Variants in ROBO2 observed in about 807,000 individuals in gnomAD.
ROBO2 encodes roundabout guidance receptor 2.
A neutral mutation model predicts 160.8 loss-of-function variants in ROBO2; 53 were observed. The ratio of observed to expected loss-of-function variants is 0.33; its 90% confidence interval spans 0.26 to 0.41. The LOEUF is 0.41. ROBO2 is among the 10% of genes least tolerant of loss of function. The pLI, the probability that ROBO2 is intolerant of heterozygous loss-of-function variation, is 1.00. For missense variants in ROBO2, 1,577 were observed against 1,722.4 expected, an observed-to-expected ratio of 0.92 and a Z score of 1.49; for synonymous variants, 664 against 611.7, an observed-to-expected ratio of 1.09 and a Z score of -1.26.
At chr3:77,639,830 T>C (rs919600767) in intron 24 of ROBO2, among the ~76,000 whole-genome samples, 3 of 152,132 alleles carry the variant, frequency 2.0e-5, no homozygotes, top group Admixed American at 6.6e-5. Flanking sequence ...TAAAAAGTCA[T>C]TCTATTCTAG....
chr3:77,270,283 G>C (rs1168479075), intron 2 of ROBO2, among the ~76,000 whole-genome samples: 1 of 152,136 alleles, frequency 6.6e-6, no homozygotes, highest in Non-Finnish European at 1.5e-5. Flanking sequence ...CCAACAAAAT[G>C]CCACGTAATC....
intron 2 of ROBO2, among the ~76,000 whole-genome samples, chr3:76,511,197 T>C (rs1283230456): frequency 6.6e-6 from 1 of 152,214 alleles, no homozygotes; most frequent in African/African-American, 2.4e-5. Context: ...TGTGCTGGCC[T>C]GTGCTACCGT....
At chr3:76,306,118 G>T (rs1221488169) in intron 2 of ROBO2, among the ~76,000 whole-genome samples, 1 of 152,130 alleles carries the variant, frequency 6.6e-6, no homozygotes, top group Admixed American at 6.5e-5. Flanking sequence ...CTGATTGAGA[G>T]CCTGCTAGGT....
chr3:76,045,149 T>C (rs1206258815), intron 2 of ROBO2, among the ~76,000 whole-genome samples: 4 of 152,078 alleles, frequency 2.6e-5, no homozygotes, highest in African/African-American at 7.3e-5. Context: ...TTTGTTTTCA[T>C]CTGAGAAAGC....
chr3:75,986,295 A>T (rs2065413057), intron 2 of ROBO2, among the ~76,000 whole-genome samples: 1 of 151,606 alleles, frequency 6.6e-6, no homozygotes, highest in Admixed American at 6.6e-5. Flanking sequence ...ATGATTCATT[A>T]TGTTGAGGCT....
intron 2 of ROBO2, among the ~76,000 whole-genome samples, chr3:77,362,792 G>T (rs1467164412): frequency 6.6e-6 from 1 of 152,156 alleles, no homozygotes; most frequent in Non-Finnish European, 1.5e-5. Context: ...AATCATGGTG[G>T]AAGGCAAATA....
chr3:76,375,841 A>G (rs889664056), intron 2 of ROBO2, among the ~76,000 whole-genome samples: 6 of 152,064 alleles, frequency 3.9e-5, no homozygotes, highest in African/African-American at 1.2e-4. Flanking sequence ...AAAATATCAT[A>G]AAGTCAGAAT....
chr3:77,404,101 G>T (rs1034363717), intron 2 of ROBO2, among the ~76,000 whole-genome samples: 4 of 152,120 alleles, frequency 2.6e-5, no homozygotes, highest in Non-Finnish European at 4.4e-5. Context: ...CTGCAAAAAT[G>T]TTATATGACA....
chr3:76,270,537 C>T (rs1707370163), intron 2 of ROBO2, among the ~76,000 whole-genome samples: 1 of 151,970 alleles, frequency 6.6e-6, no homozygotes. Context: ...TCTTCCCCAT[C>T]CCCCACTTTA....
rs1296833966 is a variant in ROBO2 at position 75,931,730 on chromosome 3, TC to T, written c.-13-5745del. Among the ~76,000 whole-genome samples, 3 of 151,980 alleles carry T rather than the reference TC, an allele frequency of 2.0e-5. No individual in the cohort carries two copies. The East Asian group carries it at 5.8e-4, about 29-fold the overall frequency. ...AATTAAGATTATATCTGTCTGATGT[TC>T]CCCCCAACACCCTTGTTGTGTATTC... On this transcript the variant is annotated intron_variant, in intron 1 of 26. Coordinates refer to the ROBO2 transcript ENST00000487694.
At chr3:76,997,066 T>G (rs567347780) in intron 2 of ROBO2, among the ~76,000 whole-genome samples, 1 of 152,296 alleles carries the variant, frequency 6.6e-6, no homozygotes, top group East Asian at 1.9e-4. Context: ...TATTCTGAGA[T>G]AAATTATTTC....
At chr3:76,299,414 C>T (rs757178133) in intron 2 of ROBO2, among the ~76,000 whole-genome samples, 8 of 152,040 alleles carry the variant, frequency 5.3e-5, no homozygotes, top group Non-Finnish European at 8.8e-5. Context: ...GTAACACTGT[C>T]TGGGTTTTTA....
intron 1 of ROBO2, among the ~76,000 whole-genome samples, chr3:75,921,673 AAAT>A (rs769085096): frequency 6.6e-6 from 1 of 152,168 alleles, no homozygotes; most frequent in Non-Finnish European, 1.5e-5. Context: ...ACAAGTGTGT[AAAT>A]AATGTTTTAT....
intron 2 of ROBO2, among the ~76,000 whole-genome samples, chr3:76,437,924 C>A (rs934557872): frequency 5.9e-5 from 9 of 152,092 alleles, no homozygotes; most frequent in Admixed American, 1.3e-4. Context: ...AAATTCATTG[C>A]GACAACATGG....
At chr3:76,022,648 G>A (rs184326426) in intron 2 of ROBO2, among the ~76,000 whole-genome samples, 16 of 151,640 alleles carry the variant, frequency 1.1e-4, no homozygotes, top group South Asian at 6.2e-4. Flanking sequence ...TCTCAAGAGC[G>A]GGATAAAAAT....
At chr3:77,291,143 A>T (rs1258617722) in intron 2 of ROBO2, among the ~76,000 whole-genome samples, 8 of 151,606 alleles carry the variant, frequency 5.3e-5, no homozygotes, top group Middle Eastern at 3.4e-3. Context: ...AGTAAAACTG[A>T]TGGTTAAACG....
intron 2 of ROBO2, among the ~76,000 whole-genome samples, chr3:77,418,068 C>A (rs1227551987): frequency 1.3e-5 from 2 of 152,074 alleles, no homozygotes; most frequent in South Asian, 2.1e-4. Context: ...CTTGTTGCTA[C>A]CTCAAGTGAT....
At chr3:76,590,049 A>T (rs889017356) in intron 2 of ROBO2, among the ~76,000 whole-genome samples, 1 of 152,180 alleles carries the variant, frequency 6.6e-6, no homozygotes, top group Non-Finnish European at 1.5e-5. Context: ...GTGTATAGAA[A>T]ATACGATGGA....
chr3:76,361,655 T>C (rs996728377), intron 2 of ROBO2, among the ~76,000 whole-genome samples: 1 of 152,072 alleles, frequency 6.6e-6, no homozygotes, highest in African/African-American at 2.4e-5. Flanking sequence ...CCAGATAATA[T>C]AGTAAGAGAA....
Sources: allele counts gnomAD v4.1 joint callset (sites outside exome capture counted in the v4.1 genomes callset), GRCh38; gene constraint gnomAD v4.1.1; transcripts MANE v1.5; gene names NCBI Gene and HGNC (gene_info 2026-07-23, HGNC 2026-07-21).